CTTNBP2NL: variants seen among roughly 807,000 people sequenced by gnomAD.
CTTNBP2NL encodes CTTNBP2 N-terminal-like protein.
In CTTNBP2NL, 16 loss-of-function variants were observed where a neutral mutation model predicts 32.5. The ratio of observed to expected loss-of-function variants is 0.49; its 90% CI spans 0.33 to 0.75. The LOEUF is 0.75. Ranked by LOEUF, CTTNBP2NL falls within the 30% of genes least tolerant of loss-of-function variation. The pLI is 0.02. For synonymous variants in CTTNBP2NL, 298 were observed against 289.4 expected, an observed-to-expected ratio of 1.03 and a Z score of -0.30; for missense variants, 645 against 756.0, an observed-to-expected ratio of 0.85 and a Z score of 1.72.
intron 3 of CTTNBP2NL, among the ~76,000 whole-genome samples, chr1:112,426,448 T>TGGGCCAGACC (rs1268738432): frequency 6.6e-6 from 1 of 151,928 alleles, no homozygotes; most frequent in East Asian, 1.9e-4. Flanking sequence ...TCCCAGAACT[T>TGGGCCAGACC]TAGGAGGTCA....
At chr1:112,402,710 G>C (rs747518636) in intron 1 of CTTNBP2NL, among the ~76,000 whole-genome samples, 19 of 152,118 alleles carry the variant, frequency 1.2e-4, no homozygotes, top group Middle Eastern at 3.2e-3. Context: ...AATGTTTGAG[G>C]GTATAACAAT....
intron 4 of CTTNBP2NL, among the ~76,000 whole-genome samples, chr1:112,449,970 C>T (rs928868871): frequency 1.3e-5 from 2 of 152,162 alleles, no homozygotes; most frequent in African/African-American, 4.8e-5. Context: ...TTGTCATTTA[C>T]TCCTCAAATT....
intron 1 of CTTNBP2NL, among the ~76,000 whole-genome samples, chr1:112,411,511 T>C (rs942289097): frequency 2.0e-5 from 3 of 152,206 alleles, no homozygotes; most frequent in Non-Finnish European, 4.4e-5. Context: ...ACAATTTGTC[T>C]ACAAGTGGTT....
chr1:112,426,877 A>T (rs1649423092), intron 3 of CTTNBP2NL, among the ~76,000 whole-genome samples: 1 of 152,168 alleles, frequency 6.6e-6, no homozygotes, highest in Non-Finnish European at 1.5e-5. Context: ...AAGTTCTGGG[A>T]TTACAGGGTT....
chr1:112,417,820 A>G (rs116579694), intron 3 of CTTNBP2NL, among the ~76,000 whole-genome samples: 2,229 of 152,254 alleles, frequency 0.015, 61 homozygotes, highest in African/African-American at 0.05. Context: ...GTATCATTTT[A>G]TTTATGGAGT....
intron 3 of CTTNBP2NL, among the ~76,000 whole-genome samples, chr1:112,445,475 G>T (rs1320121967): frequency 6.6e-6 from 1 of 151,966 alleles, no homozygotes. Flanking sequence ...ACCATGTTCT[G>T]TCTCCCATGT....
At chr1:112,450,433 A>G (rs1650181406) in intron 4 of CTTNBP2NL, among the ~76,000 whole-genome samples, 1 of 152,250 alleles carries the variant, frequency 6.6e-6, no homozygotes, top group Non-Finnish European at 1.5e-5. Flanking sequence ...ATCTGAAAAC[A>G]TTTACACTCC....
At chr1:112,447,298 G>T (rs1320973189) in intron 3 of CTTNBP2NL, among the ~76,000 whole-genome samples, 15 of 109,390 alleles carry the variant, frequency 1.4e-4, no homozygotes, top group African/African-American at 5.3e-4. Context: ...AAAAAAAAAA[G>T]TAGAGTTTCA....
chr1:112,439,219 G>GT (rs11376708), intron 3 of CTTNBP2NL, among the ~76,000 whole-genome samples: 77,939 of 151,866 alleles, frequency 0.51, 22,418 homozygotes, highest in South Asian at 0.7. Flanking sequence ...GGGTCTTAAA[G>GT]TATTACTGTC....
chr1:112,403,015 GCTGAT>G (rs1160220090), intron 1 of CTTNBP2NL, among the ~76,000 whole-genome samples: 2 of 152,006 alleles, frequency 1.3e-5, no homozygotes, highest in African/African-American at 4.8e-5. Context: ...CAAAACCTCA[GCTGAT>G]CTGGGATTAT....
At chr1:112,445,577 C>G (rs934674079) in intron 3 of CTTNBP2NL, among the ~76,000 whole-genome samples, 2 of 152,316 alleles carry the variant, frequency 1.3e-5, no homozygotes, top group African/African-American at 2.4e-5. Context: ...GAGAATCGCT[C>G]TCTGACAAGG....
chr1:112,420,793 A>T (rs947953783), intron 3 of CTTNBP2NL, among the ~76,000 whole-genome samples: 6 of 152,176 alleles, frequency 3.9e-5, no homozygotes, highest in African/African-American at 7.2e-5. Flanking sequence ...AGTAAAGTTT[A>T]TACATGGATT....
intron 4 of CTTNBP2NL, among the ~76,000 whole-genome samples, chr1:112,453,668 C>T (rs1650288160): frequency 6.6e-6 from 1 of 152,130 alleles, no homozygotes; most frequent in African/African-American, 2.4e-5. Flanking sequence ...GTGGGAGAAT[C>T]TCTTGAGCTC....
chr1:112,443,850 A>G (rs1161121149), intron 3 of CTTNBP2NL, among the ~76,000 whole-genome samples: 1 of 152,226 alleles, frequency 6.6e-6, no homozygotes, highest in African/African-American at 2.4e-5. Flanking sequence ...ATCTTTATCC[A>G]GAATGTTTGC....
intron 4 of CTTNBP2NL, among the ~76,000 whole-genome samples, 165 bp downstream of exon 4, chr1:112,449,337 C>T (rs114222903): frequency 0.015 from 1,179 of 76,196 alleles, 24 homozygotes; most frequent in African/African-American, 0.041. Flanking sequence ...AAAAAGAAAA[C>T]ACAGCTTATT....
At chr1:112,429,520 CTCTT>C (rs926399544) in intron 3 of CTTNBP2NL, among the ~76,000 whole-genome samples, 2 of 152,144 alleles carry the variant, frequency 1.3e-5, no homozygotes, top group Admixed American at 6.5e-5. Flanking sequence ...AAGACCTTAC[CTCTT>C]TCTTAAAAAA....
chr1:112,442,544 T>C (rs1352711328), intron 3 of CTTNBP2NL, among the ~76,000 whole-genome samples: 2 of 152,102 alleles, frequency 1.3e-5, no homozygotes, highest in African/African-American at 4.8e-5. Context: ...AATGTACATA[T>C]AATTTGTTTC....
intron 1 of CTTNBP2NL, among the ~76,000 whole-genome samples, chr1:112,398,697 GCTACTTGGGAGGCTGAGGCAGGAGGC>G (rs1203199041): frequency 5.3e-5 from 8 of 151,762 alleles, no homozygotes; most frequent in Middle Eastern, 3.4e-3. Flanking sequence ...TGTAATCCTT[GCTACTTGGGAGGCTGAGGCAGGAGGC>G]TTGCTTGAGC....
At chr1:112,392,780 G>T (rs987578103), upstream of CTTNBP2NL, among the ~76,000 whole-genome samples, 1 of 152,192 alleles carries the variant, frequency 6.6e-6, no homozygotes, top group Non-Finnish European at 1.5e-5. Context: ...CCAGAAGCCA[G>T]GGGAGAGAGG....
Sources: gnomAD v4.1 joint callset for allele counts (sites outside exome capture counted in the v4.1 genomes callset) on GRCh38, gnomAD v4.1.1 for gene constraint, MANE v1.5 for transcripts, NCBI Gene and HGNC (gene_info 2026-07-23, HGNC 2026-07-21) for gene names.